The following PROS1 variants were observed in gnomAD, a reference collection of about 807,000 sequenced individuals.
PROS1 encodes vitamin K-dependent protein S.
PROS1 carries 29 observed loss-of-function variants against 75.9 expected under a neutral mutation model. That is an observed-to-expected ratio of 0.38 (90% CI 0.28 to 0.52). The LOEUF is 0.52. Ranked by LOEUF, PROS1 falls within the 20% of genes least tolerant of loss-of-function variation. The probability of loss-of-function intolerance (pLI) is 0.83; values close to 1 mark genes in which losing one functional copy is unlikely to be tolerated. For synonymous variants in PROS1, 245 were observed against 280.6 expected (o/e 0.87, Z 1.27); for missense variants, 680 against 810.3 (o/e 0.84, Z 1.95).
At chr3:93,902,648 G>C (rs1033601142) in intron 6 of PROS1, among the ~76,000 whole-genome samples, 2 of 151,796 alleles carry the variant, frequency 1.3e-5, no homozygotes, top group Admixed American at 1.3e-4. Context: ...AGCTACTCGG[G>C]AGGCTGAGGC....
At chr3:93,900,555 A>AAT (rs1708576959) in intron 7 of PROS1, among the ~76,000 whole-genome samples, 2 of 152,214 alleles carry the variant, frequency 1.3e-5, no homozygotes, top group Admixed American at 6.5e-5. Flanking sequence ...TTTACCACAC[A>AAT]TGGAGGTCTC....
intron 12 of PROS1, among the ~76,000 whole-genome samples, chr3:93,884,169 A>G (rs1316070107): frequency 1.3e-5 from 2 of 152,216 alleles, no homozygotes; most frequent in African/African-American, 2.4e-5. Context: ...CAAAAATTAC[A>G]TGGTACACAA....
At chr3:93,881,358 G>A (rs920787102) in intron 12 of PROS1, among the ~76,000 whole-genome samples, 5 of 151,890 alleles carry the variant, frequency 3.3e-5, no homozygotes, top group Admixed American at 6.6e-5. Flanking sequence ...TATAGACTAC[G>A]AAAGATGGGA....
At chr3:93,913,567 C>A (rs1431236749) in intron 3 of PROS1, among the ~76,000 whole-genome samples, 2 of 152,172 alleles carry the variant, frequency 1.3e-5, no homozygotes, top group Non-Finnish European at 2.9e-5. Flanking sequence ...TCTTTATTAG[C>A]AACATGAAAA....
intron 1 of PROS1, among the ~76,000 whole-genome samples, chr3:93,934,364 G>T (rs1241143244): frequency 6.6e-6 from 1 of 152,152 alleles, no homozygotes; most frequent in Non-Finnish European, 1.5e-5. Context: ...GAAAAAATGT[G>T]AAGGTTGCCA....
At chr3:93,929,078 T>C (rs1282047861) in intron 1 of PROS1, among the ~76,000 whole-genome samples, 2 of 152,234 alleles carry the variant, frequency 1.3e-5, no homozygotes, top group East Asian at 3.8e-4. Flanking sequence ...CAACTCTGAT[T>C]CTAAGTATGT....
intron 6 of PROS1, among the ~76,000 whole-genome samples, chr3:93,902,100 C>A (rs1708605363): frequency 1.3e-5 from 2 of 151,720 alleles, no homozygotes; most frequent in South Asian, 4.2e-4. Context: ...CCAGCCTGAG[C>A]AACATGGTGG....
At chr3:93,967,730 CA>C (rs1231727481) in intron 1 of PROS1, among the ~76,000 whole-genome samples, 1 of 151,840 alleles carries the variant, frequency 6.6e-6, no homozygotes, top group Non-Finnish European at 1.5e-5. Context: ...TACTAAAAAT[CA>C]AAAAGAACAT....
chr3:93,888,679 T>C (rs1296656440), intron 10 of PROS1, among the ~76,000 whole-genome samples: 1 of 152,132 alleles, frequency 6.6e-6, no homozygotes, highest in Non-Finnish European at 1.5e-5. Flanking sequence ...TGACCACTTC[T>C]TACCACTCTT....
rs1212533911 is a variant in PROS1 at position 93,886,646 on chromosome 3, C to G, written c.1156-143G>C. 19 of 715,480 alleles carry G rather than the reference C, an allele frequency of 2.7e-5. No individual in the cohort carries two copies. In the South Asian group the frequency reaches 3.6e-4, roughly 14 times the overall value. 44.3% of individuals were successfully genotyped at this position (715,480 alleles called of 1,614,324 possible). A position where few individuals can be genotyped will look rare whatever the true frequency, so the allele number is the denominator to read the frequency against. Reference sequence around the variant, plus strand: ...TAATGTAATTATTAATTTGTTACAACTCATTTGGAATGTCAAATTATGATA... The same window carrying G: ...TAATGTAATTATTAATTTGTTACAAGTCATTTGGAATGTCAAATTATGATA... On this transcript the variant is annotated intron_variant, in intron 10 of 14. Transcript: ENST00000394236.
intron 1 of PROS1, among the ~76,000 whole-genome samples, chr3:93,950,155 A>G (rs1428868516): frequency 1.3e-5 from 2 of 152,146 alleles, no homozygotes. Flanking sequence ...GCCATTGCTG[A>G]GGCTTGAGTA....
At chr3:93,878,155 C>A (rs1055284317) in intron 13 of PROS1, among the ~76,000 whole-genome samples, 1 of 152,088 alleles carries the variant, frequency 6.6e-6, no homozygotes, top group African/African-American at 2.4e-5. Flanking sequence ...CATGCGTTAA[C>A]CTCCTCCACT....
At chr3:93,896,844 A>G (rs577440470) in intron 8 of PROS1, among the ~76,000 whole-genome samples, 153 bp from the exon 9 acceptor site, 1 of 152,298 alleles carries the variant, frequency 6.6e-6, no homozygotes, top group South Asian at 2.1e-4. Context: ...AATAATAAAT[A>G]CATATCTTCC....
chr3:93,910,284 T>C (rs1187580497), intron 4 of PROS1, among the ~76,000 whole-genome samples: 1 of 152,202 alleles, frequency 6.6e-6, no homozygotes, highest in Non-Finnish European at 1.5e-5. Flanking sequence ...CTTTGAGCTA[T>C]TAATCTACTG....
At chr3:93,928,858 T>C (rs1388398922) in intron 1 of PROS1, 1 of 664,822 alleles carries the variant, frequency 1.5e-6, no homozygotes, top group Non-Finnish European at 2.3e-6. Flanking sequence ...AAACGGGAAA[T>C]AAACATTATA....
rs201928951 is a variant in PROS1 at position 93,973,667 on chromosome 3, T to C, written c.76+7A>G. Reference sequence around the variant, plus strand: ...GGAAGGGAGAAGAGACGCTATTGATTACTCACAGTTTGCCTCTGAGACGGG... The same window carrying C: ...GGAAGGGAGAAGAGACGCTATTGATCACTCACAGTTTGCCTCTGAGACGGG... On this transcript the variant is annotated splice_region_variant and intron_variant, in intron 1 of 14. Transcript: ENST00000394236. 707 of 1,613,266 alleles carry C rather than the reference T, an allele frequency of 4.4e-4. 4 individuals are homozygous for C. Among genetic ancestry groups the C allele is most frequent in the Non-Finnish European group, 8.6e-5 (102 of 1,179,538 alleles).
At chr3:93,958,752 TTC>T (rs1312742177) in intron 1 of PROS1, 2 of 152,378 alleles carry the variant, frequency 1.3e-5, no homozygotes, top group African/African-American at 4.8e-5. Flanking sequence ...GTCTTCCTCA[TTC>T]TCTCTTTGCC....
chr3:93,973,618 ACGCAGTTCAGT>A, intron 1 of PROS1, 45 bp downstream of exon 1: 1 of 1,570,064 alleles, frequency 6.4e-7, no homozygotes, highest in Non-Finnish European at 8.7e-7. Context: ...CAACCAGGGC[ACGCAGTTCAGT>A]CGACAATGCT....
rs770401147 is a variant in PROS1, at chr3:93,874,328, C to A, written c.1948G>T (p.Asp650Tyr). 1 of 1,613,394 alleles carries A rather than the reference C, an allele frequency of 6.2e-7. No homozygotes were observed. The change falls in exon 15 of 15, where the codon GAT (aspartate) becomes TAT (tyrosine). Residue 650 changes from aspartate (D) to tyrosine (Y), a missense_variant. Asp to Tyr is a radical substitution (Grantham distance 160, BLOSUM62 -3). Transcript: ENST00000394236. ...MEVNINGVQLDLDEAISKHND... is the reference protein window; with the variant it reads ...MEVNINGVQLYLDEAISKHND... Reference sequence around the variant, plus strand: ...TGTTTAGAAATGGCTTCATCCAGATCCAACTGTACACCATTAATATTCACT... The same window carrying A: ...TGTTTAGAAATGGCTTCATCCAGATACAACTGTACACCATTAATATTCACT...
Sources: allele counts gnomAD v4.1 joint callset (sites outside exome capture counted in the v4.1 genomes callset), GRCh38; gene constraint gnomAD v4.1.1; transcripts MANE v1.5; gene names NCBI Gene and HGNC (gene_info 2026-07-23, HGNC 2026-07-21).